NOD2: variants seen among roughly 807,000 people sequenced by gnomAD.
NOD2 encodes the protein nucleotide binding oligomerization domain containing 2.
Under a neutral mutation model 90.9 loss-of-function variants are expected in NOD2, and 86 were observed. The ratio of observed to expected loss-of-function variants is 0.95; its 90% CI spans 0.79 to 1.13. The LOEUF is 1.13. Among genes scored for constraint, NOD2 ranks in the 50% most tolerant of loss-of-function variants. The probability of loss-of-function intolerance (pLI) is 0.00; values close to 1 mark genes in which losing one functional copy is unlikely to be tolerated. For missense variants in NOD2, 1,238 were observed against 1,283.8 expected (o/e 0.96, Z 0.55); for synonymous variants, 581 against 554.6 (o/e 1.05, Z -0.67).
rs1276948985 is a variant in NOD2, at chr16:50,732,020, C to T, written c.*201C>T. 9 of 601,952 alleles carry T rather than the reference C, an allele frequency of 1.5e-5. No homozygotes were observed. Among genetic ancestry groups the T allele is most frequent in the African/African-American group, 5.6e-5 (3 of 53,886 alleles). 37.3% of individuals were successfully genotyped at this position (601,952 alleles called of 1,614,324 possible). On this transcript the variant is annotated 3_prime_UTR_variant, in exon 12 of 12. Coordinates refer to ENST00000647318, the MANE Select transcript of NOD2 (RefSeq NM_001370466.1). ...TCAGTGCCCTCCAGGATAGACTTTT[C>T]CCAAGCCTACTTTTGCCATTGACTT...
At chr16:50,716,193 G>A (rs1964785637) in intron 4 of NOD2, among the ~76,000 whole-genome samples, 1 of 152,156 alleles carries the variant, frequency 6.6e-6, no homozygotes. Flanking sequence ...TGTCCCCAGG[G>A]GTAGCCTGTC....
At chr16:50,716,695 A>T (rs774708335) in intron 5 of NOD2, 25 bp downstream of exon 5, 1 of 1,609,996 alleles carries the variant, frequency 6.2e-7, no homozygotes, top group East Asian at 2.2e-5. Flanking sequence ...GCTGTGGACA[A>T]TGGGCTCCAA....
intron 4 of NOD2, among the ~76,000 whole-genome samples, chr16:50,714,496 A>G (rs887991608): frequency 2.0e-5 from 3 of 152,102 alleles, no homozygotes; most frequent in African/African-American, 7.2e-5. Flanking sequence ...GTTTTCCATT[A>G]GCAATTACTG....
At chr16:50,694,452 T>C (rs1264416727) in intron 1 of NOD2, among the ~76,000 whole-genome samples, 3 of 152,222 alleles carry the variant, frequency 2.0e-5, no homozygotes, top group Non-Finnish European at 4.4e-5. Context: ...ATGGGGCTGC[T>C]GGGGCCCCTG....
chr16:50,724,387 T>G (rs916054314), intron 9 of NOD2, among the ~76,000 whole-genome samples: 2 of 152,354 alleles, frequency 1.3e-5, no homozygotes, highest in South Asian at 4.1e-4. Context: ...AGAAAAACTT[T>G]AGGCAAATTA....
At chr16:50,721,658 G>A (rs1034395067) in intron 7 of NOD2, among the ~76,000 whole-genome samples, 2 of 151,792 alleles carry the variant, frequency 1.3e-5, no homozygotes, top group African/African-American at 2.4e-5. Context: ...ATGCCTGGCC[G>A]ATATTTTTAT....
intron 1 of NOD2, among the ~76,000 whole-genome samples, chr16:50,696,929 G>A (rs1169160292): frequency 3.3e-5 from 5 of 152,236 alleles, no homozygotes; most frequent in Non-Finnish European, 2.9e-5. Flanking sequence ...TAGGCTTGGT[G>A]TGCAAGGGAG....
intron 4 of NOD2, chr16:50,712,620 C>T: frequency 1.7e-6 from 1 of 578,206 alleles, no homozygotes; most frequent in Non-Finnish European, 3.1e-6. Context: ...CATCTAATCT[C>T]TACAACCACC....
chr16:50,713,070 C>A (rs75858791), intron 4 of NOD2: 3 of 155,108 alleles, frequency 1.9e-5, no homozygotes, highest in Non-Finnish European at 4.3e-5. Flanking sequence ...AGAATCTGTG[C>A]CCCTGAACTC....
intron 7 of NOD2, 105 bp from the exon 8 acceptor site, chr16:50,722,517 G>A: frequency 1.8e-6 from 2 of 1,096,056 alleles, no homozygotes; most frequent in Non-Finnish European, 2.8e-6. Flanking sequence ...GAGTGGTCCT[G>A]CCCCTCTGGC....
intron 10 of NOD2, among the ~76,000 whole-genome samples, chr16:50,726,910 G>A (rs2150838905): frequency 6.6e-6 from 1 of 152,288 alleles, no homozygotes; most frequent in South Asian, 2.1e-4. Flanking sequence ...GGAGGCTGAG[G>A]CGGGTGGATC....
At chr16:50,731,365 T>G (rs1965446861) in intron 11 of NOD2, among the ~76,000 whole-genome samples, 1 of 152,106 alleles carries the variant, frequency 6.6e-6, no homozygotes, top group African/African-American at 2.4e-5. Flanking sequence ...CCAGCCAACA[T>G]GAGGTTGATA....
intron 3 of NOD2, among the ~76,000 whole-genome samples, chr16:50,709,117 G>A (rs1053250416): frequency 1.3e-5 from 2 of 152,066 alleles, no homozygotes; most frequent in African/African-American, 2.4e-5. Context: ...AAATCAGGTC[G>A]GAAGAGGAAG....
In NOD2 at chr16:50,693,618, C is replaced by A. The variant is rs909081088; in HGVS notation, c.-53C>A. The A allele has an allele frequency of 2.6e-5, 4 of 152,832 alleles. No homozygotes were observed. Among genetic ancestry groups the A allele is most frequent in the South Asian group, 3.8e-4 (2 of 5,330 alleles). The allele number at this position is 152,832 out of a possible 1,614,324, so 9.5% of individuals were successfully genotyped here. ...CCGAGCCGGAGCCGGAGCCGGGAGTCGTGGCCCGGAGTGGGCCTTGGAGTC... is the reference window on the plus strand; with the variant it reads ...CCGAGCCGGAGCCGGAGCCGGGAGTAGTGGCCCGGAGTGGGCCTTGGAGTC... On this transcript the variant is annotated 5_prime_UTR_variant, in exon 1 of 12. Transcript: ENST00000647318.
intron 8 of NOD2, 37 bp from the exon 9 acceptor site, chr16:50,723,264 C>T (rs1965146883): frequency 6.3e-7 from 1 of 1,597,134 alleles, no homozygotes; most frequent in Non-Finnish European, 8.6e-7. Flanking sequence ...AGGTCTTTCC[C>T]TGCTCTGACA....
chr16:50,697,346 G>C, intron 1 of NOD2: 1 of 1,543,592 alleles, frequency 6.5e-7, no homozygotes, highest in Non-Finnish European at 8.8e-7. Flanking sequence ...TCCCGTCCCA[G>C]CTTGATCCTC....
In NOD2 at chr16:50,731,843, CAGTT is replaced by C. The variant is rs758436028; in HGVS notation, c.*25_*28del. On this transcript the variant is annotated 3_prime_UTR_variant, in exon 12 of 12. Transcript: ENST00000647318. ...GAAGTCTCCGGGAGGATGTTCGTCTCAGTTTGTTTGTGAGCAGGCTGTGAGTTTG... is the reference window on the plus strand; with the variant it reads ...GAAGTCTCCGGGAGGATGTTCGTCTCTGTTTGTGAGCAGGCTGTGAGTTTG... 6.3e-6 allele frequency: 10 copies of C among 1,596,306 alleles called. No individual in the cohort carries two copies. The highest frequency in any genetic ancestry group is 8.6e-6 in the Non-Finnish European group (10 of 1,164,380).
At chr16:50,718,397 C>T (rs1964895383) in intron 6 of NOD2, among the ~76,000 whole-genome samples, 1 of 152,188 alleles carries the variant, frequency 6.6e-6, no homozygotes, top group South Asian at 2.1e-4. Flanking sequence ...TGATTCACGT[C>T]CTGGGTGGGA....
intron 6 of NOD2, among the ~76,000 whole-genome samples, chr16:50,717,677 G>A (rs1268582191): frequency 1.3e-5 from 2 of 152,226 alleles, no homozygotes; most frequent in Non-Finnish European, 2.9e-5. Context: ...GGGCCACATA[G>A]CTCAGTCTCG....
Sources: allele counts gnomAD v4.1 joint callset (sites outside exome capture counted in the v4.1 genomes callset), GRCh38; gene constraint gnomAD v4.1.1; transcripts MANE v1.5; gene names NCBI Gene and HGNC (gene_info 2026-07-23, HGNC 2026-07-21).